Variants in ARPP21 observed in about 807,000 individuals in gnomAD.
The protein encoded by ARPP21 is cAMP-regulated phosphoprotein 21.
In ARPP21, 69 loss-of-function variants were observed where a neutral mutation model predicts 113.2. The observed-to-expected ratio is 0.61, with a 90% CI of 0.50 to 0.74. ARPP21 has a LOEUF of 0.74. Among genes scored for constraint, ARPP21 ranks in the 30% least tolerant of loss-of-function variants. The pLI, the probability that ARPP21 is intolerant of heterozygous loss-of-function variation, is 0.00. For synonymous variants in ARPP21, 368 were observed against 375.5 expected (o/e 0.98, Z 0.23); for missense variants, 1,070 against 1,037.4 (o/e 1.03, Z -0.43).
chr3:35,715,211 T>C (rs1266123278), intron 11 of ARPP21: 2 of 461,594 alleles, frequency 4.3e-6, no homozygotes, highest in Non-Finnish European at 7.9e-6. Flanking sequence ...ACAGACTAAA[T>C]CTAAAACCTG....
chr3:35,657,166 T>C (rs934356987), intron 1 of ARPP21, among the ~76,000 whole-genome samples: 1 of 152,072 alleles, frequency 6.6e-6, no homozygotes, highest in Admixed American at 6.6e-5. Context: ...CATGGACACG[T>C]TTATTCCTCT....
At chr3:35,709,119 G>A (rs781188489) in intron 11 of ARPP21, 49 bp downstream of exon 11, 3 of 1,296,154 alleles carry the variant, frequency 2.3e-6, no homozygotes, top group Admixed American at 3.4e-5. Context: ...TCCAACAGCA[G>A]TAAGGCTTCC....
intron 19 of ARPP21, among the ~76,000 whole-genome samples, chr3:35,762,890 ATGC>A (rs955835119): frequency 6.6e-6 from 1 of 152,110 alleles, no homozygotes; most frequent in Admixed American, 6.6e-5. Context: ...AGATTATTCA[ATGC>A]TGGTGAGGAG....
intron 1 of ARPP21, among the ~76,000 whole-genome samples, chr3:35,643,157 G>A (rs1023679161): frequency 6.6e-6 from 1 of 151,978 alleles, no homozygotes; most frequent in Admixed American, 6.6e-5. Flanking sequence ...ACTATAATCA[G>A]GTTATTCTTT....
intron 15 of ARPP21, among the ~76,000 whole-genome samples, chr3:35,733,819 C>G (rs1375529931): frequency 6.6e-6 from 1 of 152,186 alleles, no homozygotes. Flanking sequence ...AACCTGCCAT[C>G]TCTCTCTACT....
At chr3:35,728,628 AG>A (rs2093721534) in intron 14 of ARPP21, among the ~76,000 whole-genome samples, 1 of 152,066 alleles carries the variant, frequency 6.6e-6, no homozygotes, top group Non-Finnish European at 1.5e-5. Context: ...GGTTAGAAAA[AG>A]TCAGTGTCCT....
chr3:35,642,400 T>C (rs1250601637), intron 1 of ARPP21: 1 of 152,164 alleles, frequency 6.6e-6, no homozygotes, highest in African/African-American at 2.4e-5. Flanking sequence ...GACAAGGATA[T>C]TTGGAAAGGT....
At chr3:35,729,921 T>C (rs1446265051) in intron 15 of ARPP21, among the ~76,000 whole-genome samples, 2 of 152,210 alleles carry the variant, frequency 1.3e-5, no homozygotes, top group Admixed American at 6.5e-5. Flanking sequence ...GCTTGTATTA[T>C]GTCAAAAGTG....
Position 35,683,668 on chromosome 3 carries a change from T to C in ARPP21, c.172-58T>C. On this transcript the variant is annotated intron_variant, in intron 4 of 20. Transcript: ENST00000684406. The stretch of plus-strand genomic sequence containing the variant: ...TGGAGATGATTTGGCAGTCTGAGAA[T>C]GCTTCCTGTTTGTTTTCTTTATTTT... 2 of 770,074 alleles carry C rather than the reference T, an allele frequency of 2.6e-6. 1 individual carries two copies. The highest frequency in any genetic ancestry group is 2.9e-5 in the South Asian group (2 of 68,604). The allele number at this position is 770,074 out of a possible 1,614,324, so 47.7% of individuals were successfully genotyped here. A position where few individuals can be genotyped will look rare whatever the true frequency, so the allele number is the denominator to read the frequency against.
intron 12 of ARPP21, among the ~76,000 whole-genome samples, chr3:35,717,031 C>T (rs977449947): frequency 2.0e-5 from 3 of 151,852 alleles, no homozygotes; most frequent in South Asian, 2.1e-4. Context: ...CTCTATTATA[C>T]CTATATCAAT....
At chr3:35,746,937 T>A (rs1429266621) in intron 19 of ARPP21, among the ~76,000 whole-genome samples, 1 of 152,146 alleles carries the variant, frequency 6.6e-6, no homozygotes, top group Non-Finnish European at 1.5e-5. Flanking sequence ...TGTGGCACAG[T>A]AGGGAGACAT....
chr3:35,754,152 CT>C (rs1420148840), intron 19 of ARPP21, among the ~76,000 whole-genome samples: 13 of 151,638 alleles, frequency 8.6e-5, no homozygotes, highest in Admixed American at 3.9e-4. Flanking sequence ...GGATTTTTGT[CT>C]TTATACCTTA....
At chr3:35,731,315 C>G (rs2093943080) in intron 15 of ARPP21, among the ~76,000 whole-genome samples, 1 of 152,040 alleles carries the variant, frequency 6.6e-6, no homozygotes, top group Non-Finnish European at 1.5e-5. Context: ...ATGCCAAGTC[C>G]CAATTCTTTT....
At chr3:35,712,338 G>C (rs895582772) in intron 11 of ARPP21, among the ~76,000 whole-genome samples, 8 of 152,138 alleles carry the variant, frequency 5.3e-5, no homozygotes, top group African/African-American at 1.9e-4. Context: ...TATTTAAGCA[G>C]TGGAGTGATT....
intron 19 of ARPP21, among the ~76,000 whole-genome samples, chr3:35,782,854 C>T (rs1242781572): frequency 6.6e-6 from 1 of 152,134 alleles, no homozygotes; most frequent in Non-Finnish European, 1.5e-5. Context: ...CCTTTCTCTG[C>T]CCAGCATGGT....
chr3:35,644,490 A>C (rs1209182940), intron 1 of ARPP21, among the ~76,000 whole-genome samples: 1 of 151,990 alleles, frequency 6.6e-6, no homozygotes, highest in Non-Finnish European at 1.5e-5. Context: ...GTCTGGTAAC[A>C]TTGTTATCTT....
chr3:35,695,028 A>T (rs2083432030), intron 9 of ARPP21, among the ~76,000 whole-genome samples: 1 of 150,280 alleles, frequency 6.7e-6, no homozygotes, highest in South Asian at 2.1e-4. Flanking sequence ...ACTCCATTTC[A>T]CTCTTTTTTT....
chr3:35,734,812 A>G (rs991284149), intron 15 of ARPP21, among the ~76,000 whole-genome samples: 3 of 152,152 alleles, frequency 2.0e-5, no homozygotes, highest in Non-Finnish European at 2.9e-5. Context: ...ATTGAGCTAT[A>G]CAATATATAG....
intron 1 of ARPP21, among the ~76,000 whole-genome samples, chr3:35,651,279 T>C (rs1702268955): frequency 6.6e-6 from 1 of 152,076 alleles, no homozygotes; most frequent in Non-Finnish European, 1.5e-5. Context: ...ATATATTGCC[T>C]CTGACCTGCC....
Sources: allele counts gnomAD v4.1 joint callset (sites outside exome capture counted in the v4.1 genomes callset), GRCh38; gene constraint gnomAD v4.1.1; transcripts MANE v1.5; gene names NCBI Gene and HGNC (gene_info 2026-07-23, HGNC 2026-07-21).